Variants in OTOF observed in about 807,000 individuals in gnomAD.
The protein encoded by OTOF is fer-1-like family member 2.
A neutral mutation model predicts 236.8 loss-of-function variants in OTOF; 218 were observed. The observed-to-expected ratio is 0.92, with a 90% CI of 0.82 to 1.03. OTOF has a LOEUF of 1.03. Among genes scored for constraint, OTOF ranks in the 50% least tolerant of loss-of-function variants. The pLI, the probability that OTOF is intolerant of heterozygous loss-of-function variation, is 0.00. For synonymous variants in OTOF, 1,041 were observed against 1,072.5 expected, an observed-to-expected ratio of 0.97 and a Z score of 0.57; for missense variants, 2,590 against 2,694.4, an observed-to-expected ratio of 0.96 and a Z score of 0.86.
chr2:26,459,080 C>T (rs1558462718), intron 46 of OTOF, among the ~76,000 whole-genome samples: 1 of 152,200 alleles, frequency 6.6e-6, no homozygotes, highest in Non-Finnish European at 1.5e-5. Flanking sequence ...GGTGTTCAGG[C>T]CATGGTGGCT....
chr2:26,494,991 TTG>T lies in OTOF; in HGVS notation c.846_847del (p.Asp282GlufsTer11). 1.2e-6 allele frequency: 2 copies of T among 1,614,150 alleles called. No individual in the cohort carries two copies. Among genetic ancestry groups the T allele is most frequent in the African/African-American group, 2.7e-5 (2 of 75,030 alleles). On this transcript the variant is annotated frameshift_variant, in exon 9 of 47. Transcript: ENST00000272371. LOFTEE classifies it high-confidence loss of function. ...GGACTCCTTCATGGATGTGTACTTCTTGTCGTCACCCACCTCCACGCACACCA... is the reference window on the plus strand; with the variant it reads ...GGACTCCTTCATGGATGTGTACTTCTTCGTCACCCACCTCCACGCACACCA...
intron 5 of OTOF, among the ~76,000 whole-genome samples, chr2:26,504,856 ATCCTG>A (rs1666208185): frequency 6.6e-6 from 1 of 152,064 alleles, no homozygotes; most frequent in South Asian, 2.1e-4. Flanking sequence ...TGGCCCCATC[ATCCTG>A]TAGGTCCAGG....
At chr2:26,509,232 C>T (rs1255978394) in intron 5 of OTOF, among the ~76,000 whole-genome samples, 1 of 152,182 alleles carries the variant, frequency 6.6e-6, no homozygotes, top group Admixed American at 6.5e-5. Flanking sequence ...TACATCTAAG[C>T]ATCTATGGAG....
intron 3 of OTOF, among the ~76,000 whole-genome samples, chr2:26,526,420 A>C (rs1040126908): frequency 6.6e-6 from 1 of 152,096 alleles, no homozygotes; most frequent in Admixed American, 6.6e-5. Flanking sequence ...GATGAAAGAA[A>C]GGAAGGGTGG....
At chr2:26,522,290 T>C (rs1256196455) in intron 3 of OTOF, among the ~76,000 whole-genome samples, 2 of 152,230 alleles carry the variant, frequency 1.3e-5, no homozygotes, top group Non-Finnish European at 2.9e-5. Flanking sequence ...AGCAGTTTTA[T>C]AAACCTTGAC....
intron 24 of OTOF, 42 bp from the exon 25 acceptor site, chr2:26,475,535 G>A: frequency 3.1e-6 from 5 of 1,605,276 alleles, no homozygotes; most frequent in Middle Eastern, 1.7e-4. Context: ...GTGACAGAGG[G>A]GGGGGCAGAT....
At chr2:26,508,488 G>A (rs549127674) in intron 5 of OTOF, among the ~76,000 whole-genome samples, 4 of 152,306 alleles carry the variant, frequency 2.6e-5, no homozygotes, top group South Asian at 2.1e-4. Flanking sequence ...ATGTGCCCAC[G>A]TTGTACCAGA....
chr2:26,506,862 A>G (rs1666261349), intron 5 of OTOF, among the ~76,000 whole-genome samples: 2 of 152,154 alleles, frequency 1.3e-5, no homozygotes, highest in African/African-American at 4.8e-5. Context: ...GTGGTGGCAC[A>G]TGCCTGTAAT....
chr2:26,475,764 T>A, intron 24 of OTOF, 150 bp downstream of exon 24: 1 of 1,056,480 alleles, frequency 9.5e-7, no homozygotes. Flanking sequence ...TGCAGTTATC[T>A]GCAGGGCTTC....
intron 5 of OTOF, 65 bp downstream of exon 5, chr2:26,516,353 C>A: frequency 1.3e-6 from 2 of 1,487,020 alleles, no homozygotes. Context: ...TCAGTAGGAC[C>A]AGGCCCCAGG....
chr2:26,552,859 A>G (rs551557057), intron 1 of OTOF, among the ~76,000 whole-genome samples: 62 of 152,310 alleles, frequency 4.1e-4, no homozygotes, highest in African/African-American at 1.3e-3. Context: ...GGTCCCCTCT[A>G]TTGCTGCCTT....
At chr2:26,554,629 A>G (rs914369519) in intron 1 of OTOF, among the ~76,000 whole-genome samples, 1 of 151,006 alleles carries the variant, frequency 6.6e-6, no homozygotes, top group Admixed American at 6.6e-5. Flanking sequence ...AGCAGAATTA[A>G]TGGGCGTTCT....
intron 4 of OTOF, among the ~76,000 whole-genome samples, chr2:26,517,919 A>T (rs1382912828): frequency 6.6e-6 from 1 of 152,110 alleles, no homozygotes; most frequent in Non-Finnish European, 1.5e-5. Flanking sequence ...TACACTCTTC[A>T]TCCAGGTTTC....
intron 1 of OTOF, among the ~76,000 whole-genome samples, chr2:26,549,560 C>T (rs1667409736): frequency 6.6e-6 from 1 of 152,116 alleles, no homozygotes; most frequent in Non-Finnish European, 1.5e-5. Context: ...AAATGGAGGC[C>T]CCATGGAACT....
intron 2 of OTOF, among the ~76,000 whole-genome samples, chr2:26,528,938 G>A (rs1666874689): frequency 6.6e-6 from 1 of 152,258 alleles, no homozygotes; most frequent in African/African-American, 2.4e-5. Flanking sequence ...TGGACTGGCA[G>A]GAGACCCATA....
chr2:26,493,634 G>A (rs867557405), intron 9 of OTOF, among the ~76,000 whole-genome samples: 41 of 152,146 alleles, frequency 2.7e-4, no homozygotes, highest in Admixed American at 1.3e-4. Flanking sequence ...CAAACCACAC[G>A]GCTCATGCAC....
rs911057526 is a variant in OTOF at position 26,467,233 on chromosome 2, C to G, written c.4228G>C (p.Val1410Leu). 1.9e-6 allele frequency: 3 copies of G among 1,614,128 alleles called. No individual in the cohort carries two copies. Among genetic ancestry groups the G allele is most frequent in the South Asian group, 2.2e-5 (2 of 91,074 alleles). Reference protein sequence around the residue: ...KKKPKIDELKVYPKELESEFD... With the variant: ...KKKPKIDELKLYPKELESEFD... ...TCGGACTCCAGCTCTTTGGGGTATA[C>G]CTGAGACAGACCAGGCTGTTAGGGG... Residue 1410 changes from valine to leucine, a missense_variant and splice_region_variant, in exon 35 of 47, where the codon GTA becomes CTA. This residue lies in a region of OTOF where 1,211 missense variants were observed against 1,352.8 expected (regional missense o/e 0.90). Coordinates refer to ENST00000272371, the MANE Select transcript of OTOF (RefSeq NM_194248.3).
In OTOF at chr2:26,463,525, G is replaced by A. The variant is rs997494879; in HGVS notation, c.5150C>T (p.Ala1717Val). 1.2e-6 allele frequency: 2 copies of A among 1,609,124 alleles called. No individual in the cohort carries two copies. Among genetic ancestry groups the A allele is most frequent in the Non-Finnish European group, 1.7e-6 (2 of 1,178,112 alleles). Residue 1717 changes from alanine (A) to valine (V), a missense_variant, in exon 41 of 47, where the codon GCC becomes GTC. This residue lies in a region of OTOF where 1,211 missense variants were observed against 1,352.8 expected (regional missense o/e 0.90). Coordinates refer to ENST00000272371, the MANE Select transcript of OTOF (RefSeq NM_194248.3). ...WVDMFPMDMP[A>V]PGTPLDISPR... ...TGAGATGTCCAGAGGCGTCCCAGGG[G>A]CTGGCATGTCCATGGGGAACATGTC...
chr2:26,472,892 A>G (rs1312063479), intron 29 of OTOF, among the ~76,000 whole-genome samples: 1 of 152,122 alleles, frequency 6.6e-6, no homozygotes, highest in Non-Finnish European at 1.5e-5. Flanking sequence ...TCCATCAACC[A>G]GCGCAAGGGG....
Sources: gnomAD v4.1 joint callset for allele counts (sites outside exome capture counted in the v4.1 genomes callset) on GRCh38, gnomAD v4.1.1 for gene constraint, gnomAD v4.1.1 regional missense constraint, MANE v1.5 for transcripts, NCBI Gene and HGNC (gene_info 2026-07-23, HGNC 2026-07-21) for gene names.